The following AUTS2 variants were observed in gnomAD, a reference collection of about 807,000 sequenced individuals.
AUTS2 encodes the protein autism susceptibility gene 2 protein.
AUTS2 carries 17 observed loss-of-function variants against 112.4 expected under a neutral mutation model. The observed-to-expected ratio is 0.15, with a 90% CI of 0.10 to 0.23. AUTS2 has a LOEUF of 0.23. Among genes scored for constraint, AUTS2 ranks in the 10% least tolerant of loss-of-function variants. The pLI, the probability that AUTS2 is intolerant of heterozygous loss-of-function variation, is 1.00. For missense variants in AUTS2, 1,510 were observed against 1,701.6 expected (o/e 0.89, Z 1.98); for synonymous variants, 751 against 702.7 (o/e 1.07, Z -1.09).
chr7:70,132,634 T>G (rs542183805), intron 3 of AUTS2, among the ~76,000 whole-genome samples: 1 of 152,252 alleles, frequency 6.6e-6, no homozygotes, highest in African/African-American at 2.4e-5. Flanking sequence ...AGAACAAATA[T>G]GCACAACAAA....
At chr7:70,702,649 A>C (rs1809520129) in intron 6 of AUTS2, among the ~76,000 whole-genome samples, 1 of 152,126 alleles carries the variant, frequency 6.6e-6, no homozygotes. Context: ...GTGGGCACCC[A>C]GTGTCTCCTG....
rs1024414583 is a variant in AUTS2, at chr7:69,711,737, A to G, written c.309+111775A>G. On this transcript the variant is annotated intron_variant, in intron 1 of 18. Transcript: ENST00000342771. ...CTCGATTCCTTACATGAGTTCTTCAATTTTTCCTAGGTACCAAACAAAATA... is the reference window on the plus strand; with the variant it reads ...CTCGATTCCTTACATGAGTTCTTCAGTTTTTCCTAGGTACCAAACAAAATA... Among the ~76,000 whole-genome samples, 9 of 152,150 alleles carry G rather than the reference A, an allele frequency of 5.9e-5. No homozygotes were observed. In the South Asian group the frequency reaches 6.2e-4, roughly 11 times the overall value.
chr7:70,252,087 G>A (rs1396188450), intron 4 of AUTS2, among the ~76,000 whole-genome samples: 2 of 152,038 alleles, frequency 1.3e-5, no homozygotes, highest in Admixed American at 1.3e-4. Flanking sequence ...TTGCTGCAAC[G>A]AACATGAGAA....
At chr7:70,703,831 AT>A (rs1397232944) in intron 6 of AUTS2, among the ~76,000 whole-genome samples, 7 of 152,152 alleles carry the variant, frequency 4.6e-5, no homozygotes, top group Non-Finnish European at 1.0e-4. Flanking sequence ...TCTTTGTACT[AT>A]TTCAGAGCAT....
chr7:69,730,900 T>A (rs1345959382), intron 1 of AUTS2, among the ~76,000 whole-genome samples: 4 of 152,170 alleles, frequency 2.6e-5, no homozygotes, highest in Non-Finnish European at 5.9e-5. Context: ...AAATACACTG[T>A]TTCAAAGTCA....
In AUTS2 at chr7:69,615,829, C is replaced by T. The variant is rs184757411; in HGVS notation, c.309+15867C>T. Among the ~76,000 whole-genome samples, 7 of 152,314 alleles carry T rather than the reference C, an allele frequency of 4.6e-5. No individual in the cohort carries two copies. In the East Asian group the frequency reaches 1.3e-3, roughly 29 times the overall value. On this transcript the variant is annotated intron_variant, in intron 1 of 18. Coordinates refer to ENST00000342771, the MANE Select transcript of AUTS2 (RefSeq NM_015570.4). The stretch of plus-strand genomic sequence containing the variant: ...TGTGCTTTGTCATTACTTCCATCTT[C>T]CAAGAAGCACTCCTGTAGCATGCTG...
intron 4 of AUTS2, among the ~76,000 whole-genome samples, chr7:70,421,849 T>C (rs554730553): frequency 3.9e-5 from 6 of 152,362 alleles, no homozygotes; most frequent in Middle Eastern, 3.4e-3. Flanking sequence ...TTACTGCATA[T>C]AGTATGTCAA....
At chr7:70,671,402 C>T (rs367867295) in intron 5 of AUTS2, among the ~76,000 whole-genome samples, 1 of 152,282 alleles carries the variant, frequency 6.6e-6, no homozygotes, top group East Asian at 1.9e-4. Flanking sequence ...AAAGGATAGC[C>T]CTAGCCCCTA....
At chr7:70,742,431 G>A (rs867293151) in intron 6 of AUTS2, among the ~76,000 whole-genome samples, 47 of 152,280 alleles carry the variant, frequency 3.1e-4, no homozygotes, top group Admixed American at 2.0e-4. Context: ...CAGCATAGAG[G>A]AGAAACTTGT....
chr7:69,964,733 A>T (rs767555509), intron 2 of AUTS2, among the ~76,000 whole-genome samples: 1 of 151,632 alleles, frequency 6.6e-6, no homozygotes, highest in Non-Finnish European at 1.5e-5. Flanking sequence ...AAATGGATTG[A>T]CATCTCTACT....
At chr7:70,505,654 T>C (rs1472605122) in intron 5 of AUTS2, among the ~76,000 whole-genome samples, 1 of 152,180 alleles carries the variant, frequency 6.6e-6, no homozygotes, top group Non-Finnish European at 1.5e-5. Flanking sequence ...ACGTGGCTCC[T>C]GTGAACCGTG....
intron 5 of AUTS2, among the ~76,000 whole-genome samples, chr7:70,541,897 A>G (rs930235101): frequency 6.6e-6 from 1 of 152,228 alleles, no homozygotes; most frequent in Non-Finnish European, 1.5e-5. Flanking sequence ...AAAGGTGACA[A>G]AAAGCACGGT....
chr7:70,245,144 G>GTGTATA (rs1233136341), intron 4 of AUTS2, among the ~76,000 whole-genome samples: 7 of 108,998 alleles, frequency 6.4e-5, no homozygotes, highest in African/African-American at 1.7e-4. Flanking sequence ...GTGTGTGTGT[G>GTGTATA]TATATATATA....
intron 4 of AUTS2, among the ~76,000 whole-genome samples, chr7:70,422,984 G>C (rs1173776861): frequency 4.6e-5 from 7 of 152,112 alleles, no homozygotes; most frequent in Non-Finnish European, 1.0e-4. Context: ...CTAGGTACCA[G>C]CTTCAAGTGG....
At chr7:69,898,577 T>C (rs1274657340) in intron 1 of AUTS2, among the ~76,000 whole-genome samples, 1 of 152,194 alleles carries the variant, frequency 6.6e-6, no homozygotes, top group Non-Finnish European at 1.5e-5. Context: ...TGGCCTGAAA[T>C]GCTTACCTGT....
At chr7:69,922,236 G>T (rs1259506046) in intron 2 of AUTS2, among the ~76,000 whole-genome samples, 1 of 152,152 alleles carries the variant, frequency 6.6e-6, no homozygotes. Flanking sequence ...CAGGTATGTG[G>T]TTACATATAA....
chr7:69,897,188 C>T (rs909547673), intron 1 of AUTS2, among the ~76,000 whole-genome samples: 9 of 152,206 alleles, frequency 5.9e-5, no homozygotes, highest in Admixed American at 5.9e-4. Context: ...GAGTGGGCAA[C>T]ACTGCTAAGA....
At chr7:69,737,471 C>A (rs887776046) in intron 1 of AUTS2, among the ~76,000 whole-genome samples, 3 of 152,226 alleles carry the variant, frequency 2.0e-5, no homozygotes, top group African/African-American at 7.2e-5. Flanking sequence ...AGAAGCAAGT[C>A]CCTGCTTGGG....
At chr7:70,158,620 GA>G (rs1807910432) in intron 4 of AUTS2, among the ~76,000 whole-genome samples, 1 of 152,096 alleles carries the variant, frequency 6.6e-6, no homozygotes, top group Non-Finnish European at 1.5e-5. Flanking sequence ...TCATTTTTAA[GA>G]CGTCCATGGG....
Sources: gnomAD v4.1 joint callset for allele counts (sites outside exome capture counted in the v4.1 genomes callset) on GRCh38, gnomAD v4.1.1 for gene constraint, MANE v1.5 for transcripts, NCBI Gene and HGNC (gene_info 2026-07-23, HGNC 2026-07-21) for gene names.